Variants in ENOX1 observed in about 807,000 individuals in gnomAD.
ENOX1 encodes the protein candidate growth-related and time keeping constitutive hydroquinone (NADH) oxidase.
A neutral mutation model predicts 82.5 loss-of-function variants in ENOX1; 42 were observed. That is an observed-to-expected ratio of 0.51 (90% confidence interval 0.40 to 0.66). ENOX1 has a LOEUF of 0.66. Among genes scored for constraint, ENOX1 ranks in the 30% least tolerant of loss-of-function variants. ENOX1 has a pLI of 0.00. For missense variants in ENOX1, 608 were observed against 811.6 expected (o/e 0.75, Z 3.05); for synonymous variants, 271 against 282.2 (o/e 0.96, Z 0.40).
At chr13:43,328,617 G>A (rs916404939) in intron 9 of ENOX1, among the ~76,000 whole-genome samples, 5 of 152,066 alleles carry the variant, frequency 3.3e-5, no homozygotes, top group African/African-American at 1.2e-4. Flanking sequence ...ATGAAGGTAA[G>A]GAAGACTAGT....
intron 14 of ENOX1, among the ~76,000 whole-genome samples, chr13:43,240,385 A>G (rs568346813): frequency 1.3e-4 from 20 of 152,332 alleles, no homozygotes; most frequent in African/African-American, 4.6e-4. Flanking sequence ...GATCATGGTA[A>G]GAAGTGTAGA....
chr13:43,667,231 A>G (rs1032980600), intron 2 of ENOX1, among the ~76,000 whole-genome samples: 1 of 152,170 alleles, frequency 6.6e-6, no homozygotes, highest in Non-Finnish European at 1.5e-5. Flanking sequence ...TAGAAGTTGG[A>G]AAGAGATTTC....
intron 1 of ENOX1, among the ~76,000 whole-genome samples, chr13:43,689,372 G>A (rs1041733828): frequency 6.6e-6 from 1 of 152,206 alleles, no homozygotes; most frequent in Non-Finnish European, 1.5e-5. Context: ...ATCCAGCAAA[G>A]TAGAAGAATG....
intron 1 of ENOX1, among the ~76,000 whole-genome samples, chr13:43,757,553 T>C (rs898328096): frequency 6.6e-6 from 1 of 152,174 alleles, no homozygotes; most frequent in African/African-American, 2.4e-5. Flanking sequence ...TCTGTCATGT[T>C]AGCACAGATG....
intron 2 of ENOX1, among the ~76,000 whole-genome samples, chr13:43,651,868 G>A (rs9525818): frequency 0.25 from 37,368 of 149,908 alleles, 5,076 homozygotes; most frequent in Non-Finnish European, 0.32. Context: ...CCAGTTACCT[G>A]GGAGGCTGAG....
At chr13:43,685,414 G>T (rs2086014825) in intron 1 of ENOX1, among the ~76,000 whole-genome samples, 1 of 152,102 alleles carries the variant, frequency 6.6e-6, no homozygotes, top group Non-Finnish European at 1.5e-5. Flanking sequence ...GGGGAGCCCA[G>T]GTGAGTGAAA....
At chr13:43,272,525 C>T (rs1260575804) in intron 12 of ENOX1, among the ~76,000 whole-genome samples, 1 of 152,178 alleles carries the variant, frequency 6.6e-6, no homozygotes, top group Non-Finnish European at 1.5e-5. Flanking sequence ...TTTAATAGAA[C>T]ACCAAGATTC....
chr13:43,354,379 CG>C (rs1214172393), intron 8 of ENOX1, among the ~76,000 whole-genome samples: 1 of 151,782 alleles, frequency 6.6e-6, no homozygotes, highest in Non-Finnish European at 1.5e-5. Flanking sequence ...GGTTACGGTG[CG>C]GGTATTTCAG....
At chr13:43,568,439 T>C (rs545681706) in intron 2 of ENOX1, among the ~76,000 whole-genome samples, 2 of 152,300 alleles carry the variant, frequency 1.3e-5, no homozygotes, top group South Asian at 2.1e-4. Context: ...ACTCCTCTGG[T>C]CTTTTCTGTC....
intron 1 of ENOX1, among the ~76,000 whole-genome samples, chr13:43,688,893 C>T (rs2086214058): frequency 6.6e-6 from 1 of 152,132 alleles, no homozygotes. Context: ...GAAAAAAGAT[C>T]TGGGCTCTAG....
chr13:43,657,740 C>T (rs1172706920), intron 2 of ENOX1, among the ~76,000 whole-genome samples: 1 of 152,236 alleles, frequency 6.6e-6, no homozygotes, highest in Non-Finnish European at 1.5e-5. Flanking sequence ...ACATACCAGA[C>T]ATTTCTTTCC....
Position 43,390,071 on chromosome 13 carries a change from G to A in ENOX1, c.208+21845C>T, listed in dbSNP as rs775022146. The stretch of plus-strand genomic sequence containing the variant: ...GAGAGGTCTATTATCTACATGTGTT[G>A]TATATACTTGGAGAACACGTTTGAA... On this transcript the variant is annotated intron_variant, in intron 5 of 16. Transcript: ENST00000690772. Among the ~76,000 whole-genome samples the A allele has an allele frequency of 3.3e-5, 5 of 152,162 alleles. No homozygotes were observed. In the South Asian group the frequency reaches 6.2e-4, roughly 19 times the overall value.
chr13:43,391,414 T>G (rs759957803), intron 5 of ENOX1, among the ~76,000 whole-genome samples: 4 of 152,200 alleles, frequency 2.6e-5, no homozygotes, highest in Non-Finnish European at 5.9e-5. Flanking sequence ...TGATTATCAC[T>G]GGCCCACCCA....
intron 2 of ENOX1, among the ~76,000 whole-genome samples, chr13:43,496,882 T>A (rs1417122556): frequency 1.3e-5 from 2 of 152,200 alleles, no homozygotes; most frequent in East Asian, 3.8e-4. Context: ...AACACTGTCA[T>A]CTTTTTCTAA....
intron 2 of ENOX1, among the ~76,000 whole-genome samples, chr13:43,531,212 T>C (rs1397605282): frequency 1.3e-5 from 2 of 151,854 alleles, no homozygotes. Context: ...TACAATGAAC[T>C]CAAACAAATT....
chr13:43,276,350 A>G (rs1202880252), intron 12 of ENOX1, among the ~76,000 whole-genome samples: 1 of 151,894 alleles, frequency 6.6e-6, no homozygotes, highest in Non-Finnish European at 1.5e-5. Context: ...TTTTCCCAGT[A>G]TTTTGGCCTG....
intron 5 of ENOX1, among the ~76,000 whole-genome samples, chr13:43,400,635 A>T (rs937138956): frequency 3.3e-5 from 5 of 152,206 alleles, no homozygotes; most frequent in African/African-American, 1.2e-4. Context: ...GTTCAACTTT[A>T]GTACAATATC....
intron 1 of ENOX1, among the ~76,000 whole-genome samples, chr13:43,696,424 T>C (rs1450715182): frequency 6.6e-6 from 1 of 152,246 alleles, no homozygotes; most frequent in Non-Finnish European, 1.5e-5. Context: ...TATATTTTGG[T>C]TCCTTCTGTG....
intron 2 of ENOX1, among the ~76,000 whole-genome samples, chr13:43,617,049 T>G (rs2082511845): frequency 1.3e-5 from 2 of 152,308 alleles, no homozygotes; most frequent in South Asian, 4.1e-4. Context: ...GAGTTACATG[T>G]GAGTGTATGT....
Sources: gnomAD v4.1 joint callset for allele counts (sites outside exome capture counted in the v4.1 genomes callset) on GRCh38, gnomAD v4.1.1 for gene constraint, MANE v1.5 for transcripts, NCBI Gene and HGNC (gene_info 2026-07-23, HGNC 2026-07-21) for gene names.